Variants in ZFHX3 observed in about 807,000 individuals in gnomAD.
The protein encoded by ZFHX3 is zinc finger homeobox protein 3.
ZFHX3 carries 42 observed loss-of-function variants against 279.1 expected under a neutral mutation model. The ratio of observed to expected loss-of-function variants is 0.15; its 90% CI spans 0.12 to 0.19. The LOEUF (loss-of-function observed/expected upper bound fraction) is 0.19. Ranked by LOEUF, ZFHX3 falls within the 10% of genes least tolerant of loss-of-function variation. The probability of loss-of-function intolerance (pLI) is 1.00; values close to 1 mark genes in which losing one functional copy is unlikely to be tolerated. For synonymous variants in ZFHX3, 2,293 were observed against 1,957.8 expected (o/e 1.17, Z -4.52); for missense variants, 4,981 against 4,754.0 (o/e 1.05, Z -1.40).
chr16:73,245,432 G>T (rs941904012), intron 5 of ZFHX3, among the ~76,000 whole-genome samples: 1 of 152,092 alleles, frequency 6.6e-6, no homozygotes, highest in Non-Finnish European at 1.5e-5. Flanking sequence ...ACTGCATGGG[G>T]CCCACATTCC....
intron 1 of ZFHX3, among the ~76,000 whole-genome samples, chr16:72,962,149 G>C (rs373874616): frequency 1.3e-5 from 2 of 152,192 alleles, no homozygotes; most frequent in Admixed American, 1.3e-4. Flanking sequence ...ATGCGGGAAG[G>C]GGGGGCCACG....
At chr16:73,261,231 C>T (rs2013815145) in intron 4 of ZFHX3, among the ~76,000 whole-genome samples, 1 of 151,992 alleles carries the variant, frequency 6.6e-6, no homozygotes, top group African/African-American at 2.4e-5. Context: ...TATTGTTAAA[C>T]TAAAAAAAAT....
chr16:73,230,822 T>A (rs1199102736), intron 5 of ZFHX3, among the ~76,000 whole-genome samples: 3 of 152,078 alleles, frequency 2.0e-5, no homozygotes, highest in African/African-American at 7.2e-5. Flanking sequence ...AGAAAAGGAA[T>A]AAAAAAATCA....
intron 2 of ZFHX3, among the ~76,000 whole-genome samples, chr16:73,477,205 C>T (rs2143616308): frequency 6.6e-6 from 1 of 152,314 alleles, no homozygotes; most frequent in Non-Finnish European, 1.5e-5. Context: ...AAAATAACTA[C>T]CGATTTTTAA....
chr16:73,621,824 G>C (rs2052366724), intron 2 of ZFHX3, among the ~76,000 whole-genome samples: 1 of 152,156 alleles, frequency 6.6e-6, no homozygotes, highest in Admixed American at 6.5e-5. Flanking sequence ...CCACCGAACA[G>C]CTTAGGAGTT....
intron 2 of ZFHX3, among the ~76,000 whole-genome samples, chr16:73,506,509 C>A (rs2019328720): frequency 6.6e-6 from 1 of 152,164 alleles, no homozygotes; most frequent in Admixed American, 6.5e-5. Context: ...AGACCTAACA[C>A]AAAGTTCATG....
intron 4 of ZFHX3, among the ~76,000 whole-genome samples, chr16:73,288,884 G>A (rs1246902555): frequency 6.6e-6 from 1 of 151,148 alleles, no homozygotes; most frequent in Non-Finnish European, 1.5e-5. Context: ...ATCGGAGAGC[G>A]GCTCCGCGAC....
intron 3 of ZFHX3, among the ~76,000 whole-genome samples, chr16:73,433,604 C>A (rs1343432391): frequency 6.6e-6 from 1 of 152,170 alleles, no homozygotes; most frequent in Non-Finnish European, 1.5e-5. Flanking sequence ...CTTTTGCTTG[C>A]CAAGAGCAGT....
intron 5 of ZFHX3, among the ~76,000 whole-genome samples, chr16:73,184,936 G>A (rs953923368): frequency 2.0e-5 from 3 of 152,060 alleles, no homozygotes; most frequent in Non-Finnish European, 4.4e-5. Flanking sequence ...CGGCAGGGCC[G>A]GTGCACAGCA....
chr16:73,431,419 T>C lies in ZFHX3; in HGVS notation c.-1291+24584A>G, dbSNP rs146234215. Among the ~76,000 whole-genome samples, 616 of 152,224 alleles carry C rather than the reference T, an allele frequency of 4.0e-3. 5 individuals carry two copies. Among genetic ancestry groups the C allele is most frequent in the African/African-American group, 0.014 (589 of 41,554 alleles). On this transcript the variant is annotated intron_variant, in intron 3 of 17. Transcript: ENST00000641206. ...GCCGGGCTATGGTGGCATGCACCTG[T>C]GATCTCAGCTACTCAGTAGGCTGAG...
At chr16:73,499,534 T>A (rs2019199656) in intron 2 of ZFHX3, 1 of 152,302 alleles carries the variant, frequency 6.6e-6, no homozygotes, top group East Asian at 1.9e-4. Flanking sequence ...TGCCTTCAAG[T>A]TCCTCCTGTT....
intron 5 of ZFHX3, among the ~76,000 whole-genome samples, chr16:73,196,285 T>C (rs1214356859): frequency 6.6e-6 from 1 of 151,812 alleles, no homozygotes; most frequent in East Asian, 1.9e-4. Context: ...GCTTCCTCCT[T>C]GGGGTGGTGG....
Position 73,754,057 on chromosome 16 carries a change from G to A in ZFHX3, c.-1607-73817C>T, listed in dbSNP as rs890154634. 3.3e-5 allele frequency among the ~76,000 whole-genome samples: 5 copies of A among 149,310 alleles called. No individual in the cohort carries two copies. The Admixed American group carries it at 3.4e-4, about 10-fold the overall frequency. ...TCTTGGACTGCCTCCCAAATGTCTT[G>A]TGTATTTTGTCTTTCCATCCACACT... On this transcript the variant is annotated intron_variant, in intron 1 of 17. Transcript: ENST00000641206.
intron 7 of ZFHX3, among the ~76,000 whole-genome samples, chr16:73,103,343 C>A (rs994670934): frequency 6.6e-6 from 1 of 151,310 alleles, no homozygotes; most frequent in Non-Finnish European, 1.5e-5. Context: ...TGTACCCCAA[C>A]CTTGGGTACC....
rs1013244509 is a variant in ZFHX3 at position 72,837,055 on chromosome 16, C to T, written c.3449-7196G>A. ...GTGTATGATAAGCAAATGGGCCTCC[C>T]GCACTCCTGCGGGCCTCTAGAAGCT... On this transcript the variant is annotated intron_variant, in intron 4 of 9. Coordinates refer to ENST00000268489, the MANE Select transcript of ZFHX3 (RefSeq NM_006885.4). Among the ~76,000 whole-genome samples the T allele has an allele frequency of 4.6e-5, 7 of 152,194 alleles. No individual in the cohort carries two copies. The East Asian group carries it at 5.8e-4, about 13-fold the overall frequency.
At chr16:73,347,585 T>C (rs2016146196) in intron 3 of ZFHX3, among the ~76,000 whole-genome samples, 1 of 152,248 alleles carries the variant, frequency 6.6e-6, no homozygotes. Flanking sequence ...GGCAGGTGGC[T>C]GAGGCTTGAC....
At chr16:73,249,540 A>G (rs1291895689) in intron 5 of ZFHX3, among the ~76,000 whole-genome samples, 1 of 152,158 alleles carries the variant, frequency 6.6e-6, no homozygotes, top group Non-Finnish European at 1.5e-5. Flanking sequence ...CTACCACGAG[A>G]AGAGTATGGG....
At chr16:73,253,392 T>C (rs2013567525) in intron 5 of ZFHX3, among the ~76,000 whole-genome samples, 3 of 151,956 alleles carry the variant, frequency 2.0e-5, no homozygotes, top group Non-Finnish European at 2.9e-5. Flanking sequence ...GAGGACCACC[T>C]GATCTTGGAG....
chr16:72,955,315 C>T (rs1295750660), intron 2 of ZFHX3, among the ~76,000 whole-genome samples: 1 of 152,192 alleles, frequency 6.6e-6, no homozygotes, highest in Non-Finnish European at 1.5e-5. Flanking sequence ...TGTGGCCCTT[C>T]CATGTGTGTC....
Sources: allele counts gnomAD v4.1 joint callset (sites outside exome capture counted in the v4.1 genomes callset), GRCh38; gene constraint gnomAD v4.1.1; transcripts MANE v1.5; gene names NCBI Gene and HGNC (gene_info 2026-07-23, HGNC 2026-07-21).